Variants in AFF2 observed in about 807,000 individuals in gnomAD.
AFF2 encodes AF4/FMR2 family member 2.
A neutral mutation model predicts 76.9 loss-of-function variants in AFF2; 14 were observed. The ratio of observed to expected loss-of-function variants is 0.18; its 90% CI spans 0.12 to 0.28. The LOEUF is 0.28. Among genes scored for constraint, AFF2 ranks in the 10% least tolerant of loss-of-function variants. AFF2 has a pLI of 1.00. For synonymous variants in AFF2, 398 were observed against 366.7 expected, an observed-to-expected ratio of 1.09 and a Z score of -0.98; for missense variants, 868 against 1,001.1, an observed-to-expected ratio of 0.87 and a Z score of 1.79.
In AFF2 at chrX:148,915,022, G is replaced by A. The variant is rs373965453; in HGVS notation, c.1397+10764G>A. ...CAGAGTCAAGAGCCTGAGGTAGTAA[G>A]TTATTATTCAGTTGACTACTAGTTT... On this transcript the variant is annotated intron_variant, in intron 9 of 20. Transcript: ENST00000370460. 4.9e-4 allele frequency among the ~76,000 whole-genome samples: 55 copies of A among 112,386 alleles called. No individual in the cohort carries two copies. In the South Asian group the frequency reaches 0.02, roughly 40 times the overall value.
chrX:148,753,672 T>C (rs1603294653), intron 3 of AFF2, among the ~76,000 whole-genome samples: 1 of 112,233 alleles, frequency 8.9e-6, no homozygotes, highest in East Asian at 2.8e-4. Context: ...ATGTGTATCC[T>C]GCACTTTACC....
chrX:148,874,184 C>T lies in AFF2; in HGVS notation c.1263-11705C>T, dbSNP rs1187874702. On this transcript the variant is annotated intron_variant, in intron 7 of 20. Coordinates refer to ENST00000370460, the MANE Select transcript of AFF2 (RefSeq NM_002025.4). ...ATCCACTATATGTAAAACCTACTCT[C>T]ATGTCTCTCTGTTGTTGCTTAAACT... Among the ~76,000 whole-genome samples, 3 of 111,632 alleles carry T rather than the reference C, an allele frequency of 2.7e-5. No individual in the cohort carries two copies. In the Admixed American group the frequency reaches 2.9e-4, roughly 11 times the overall value.
intron 7 of AFF2, among the ~76,000 whole-genome samples, chrX:148,859,956 C>T (rs1380961700): frequency 9.0e-6 from 1 of 111,539 alleles, no homozygotes; most frequent in African/African-American, 3.3e-5. Flanking sequence ...TCTCCTAATG[C>T]TATCCCATGC....
At chrX:148,556,634 G>A (rs1274001113) in intron 1 of AFF2, among the ~76,000 whole-genome samples, 2 of 112,267 alleles carry the variant, frequency 1.8e-5, no homozygotes, top group African/African-American at 3.2e-5. Flanking sequence ...AATGAAAATG[G>A]TCATGATGCT....
intron 3 of AFF2, among the ~76,000 whole-genome samples, chrX:148,786,128 T>C (rs782495691): frequency 1.8e-5 from 2 of 112,094 alleles, no homozygotes; most frequent in South Asian, 7.5e-4. Flanking sequence ...ACTGTCATTA[T>C]TGTTATTGCT....
chrX:148,575,455 A>T (rs944294657), intron 1 of AFF2, among the ~76,000 whole-genome samples: 6 of 111,754 alleles, frequency 5.4e-5, no homozygotes, highest in Non-Finnish European at 7.5e-5. Flanking sequence ...TTATTTCTTT[A>T]TCATTTGTGG....
At chrX:148,504,640 GCCTCTCCTCCT>G (rs1273351834) in intron 1 of AFF2, among the ~76,000 whole-genome samples, 2 of 113,230 alleles carry the variant, frequency 1.8e-5, no homozygotes, top group African/African-American at 3.2e-5. Flanking sequence ...TGCCGGCCAG[GCCTCTCCTCCT>G]CCGGTAAAGG....
chrX:148,808,115 G>A (rs889440140), intron 3 of AFF2, among the ~76,000 whole-genome samples: 6 of 112,299 alleles, frequency 5.3e-5, no homozygotes, highest in Non-Finnish European at 1.9e-5. Flanking sequence ...GATACAATAT[G>A]GGTTGCAGCA....
intron 7 of AFF2, among the ~76,000 whole-genome samples, chrX:148,858,227 G>A (rs781942996): frequency 9.0e-5 from 10 of 111,274 alleles, no homozygotes; most frequent in Non-Finnish European, 9.5e-5. Flanking sequence ...CAGAGAAAAT[G>A]CACATTCACA....
chrX:148,739,094 T>G (rs781946444), intron 3 of AFF2, among the ~76,000 whole-genome samples: 1 of 111,789 alleles, frequency 8.9e-6, no homozygotes, highest in Admixed American at 9.5e-5. Flanking sequence ...TATTCTACAG[T>G]TGTTGGATGA....
chrX:148,531,874 ATAAG>A (rs1178194133), intron 1 of AFF2, among the ~76,000 whole-genome samples: 3 of 101,212 alleles, frequency 3.0e-5, no homozygotes, highest in Non-Finnish European at 5.9e-5. Flanking sequence ...TATGAGAAGA[ATAAG>A]TATTGATAGA....
rs5936409 is a variant in AFF2, at chrX:148,618,854, C to G, written c.48-33145C>G. On this transcript the variant is annotated intron_variant, in intron 1 of 20. Coordinates refer to ENST00000370460, the MANE Select transcript of AFF2 (RefSeq NM_002025.4). ...CAAAATGGATGCCTACTGAACAAGA[C>G]TTTTGGTACTGAAAGAGTATTATGT... Among the ~76,000 whole-genome samples, 155 of 110,895 alleles carry G rather than the reference C, an allele frequency of 1.4e-3. 1 individual carries two copies. The highest frequency in any genetic ancestry group is 2.3e-3 in the Non-Finnish European group (121 of 52,797).
intron 3 of AFF2, among the ~76,000 whole-genome samples, chrX:148,699,851 G>T (rs1438051031): frequency 8.9e-6 from 1 of 111,943 alleles, no homozygotes; most frequent in African/African-American, 3.2e-5. Context: ...AAAATAAAGA[G>T]CAAGTATAAG....
intron 1 of AFF2, among the ~76,000 whole-genome samples, chrX:148,587,082 C>G (rs1263312546): frequency 1.8e-5 from 2 of 111,882 alleles, no homozygotes; most frequent in Non-Finnish European, 3.8e-5. Flanking sequence ...TCTCATCACT[C>G]TAGCCTATAC....
At chrX:148,575,743 G>A (rs1220425446) in intron 1 of AFF2, among the ~76,000 whole-genome samples, 2 of 110,134 alleles carry the variant, frequency 1.8e-5, no homozygotes, top group African/African-American at 6.6e-5. Context: ...GTGTCCCATT[G>A]CAATAGCCAT....
At chrX:148,930,227 G>A (rs1163129911) in intron 9 of AFF2, among the ~76,000 whole-genome samples, 1 of 112,275 alleles carries the variant, frequency 8.9e-6, no homozygotes, top group Non-Finnish European at 1.9e-5. Flanking sequence ...AGTATCCAAA[G>A]AGGCAGGTAA....
chrX:148,808,039 A>T (rs2070158948), intron 3 of AFF2, among the ~76,000 whole-genome samples: 1 of 112,522 alleles, frequency 8.9e-6, no homozygotes, highest in African/African-American at 3.2e-5. Flanking sequence ...TTGGGAATGT[A>T]CTTTATTAAA....
At chrX:148,617,417 G>A (rs1301119552) in intron 1 of AFF2, among the ~76,000 whole-genome samples, 1 of 111,889 alleles carries the variant, frequency 8.9e-6, no homozygotes. Flanking sequence ...TTTTGATGGG[G>A]TTGTTTGTTT....
chrX:148,788,641 C>T (rs915872709), intron 3 of AFF2, among the ~76,000 whole-genome samples: 13 of 111,797 alleles, frequency 1.2e-4, no homozygotes, highest in African/African-American at 2.9e-4. Context: ...TGTTGTGCTT[C>T]GCATGGTAAT....
Sources: gnomAD v4.1 joint callset for allele counts (sites outside exome capture counted in the v4.1 genomes callset) on GRCh38, gnomAD v4.1.1 for gene constraint, MANE v1.5 for transcripts, NCBI Gene and HGNC (gene_info 2026-07-23, HGNC 2026-07-21) for gene names.